The following SLC49A3 variants were observed in gnomAD, a reference collection of about 807,000 sequenced individuals.
SLC49A3 encodes solute carrier family 49 member A3.
A neutral mutation model predicts 43.8 loss-of-function variants in SLC49A3; 50 were observed. The ratio of observed to expected loss-of-function variants is 1.14; its 90% confidence interval spans 0.91 to 1.45. The LOEUF is 1.45. Ranked by LOEUF, SLC49A3 falls within the 40% of genes most tolerant of loss-of-function variation. The pLI is 0.00. For synonymous variants in SLC49A3, 413 were observed against 352.0 expected (o/e 1.17, Z -1.94); for missense variants, 906 against 774.1 (o/e 1.17, Z -2.02).
rs1041042499 is a variant in SLC49A3 at position 685,737 on chromosome 4, C to T, written c.585+98G>A. ...CGGGGCGGGGGACGGGAATCACACA[C>T]GGGCACAGGAACACGGACACACTTG... On this transcript the variant is annotated intron_variant, in intron 4 of 9. Coordinates refer to ENST00000322224, the MANE Select transcript of SLC49A3 (RefSeq NM_032219.4). The surrounding 1 kb of genome is among the most constrained non-coding windows in gnomAD (Gnocchi z 4.3). 181 of 1,321,662 alleles carry T rather than the reference C, an allele frequency of 1.4e-4. No homozygotes were observed. The highest frequency in any genetic ancestry group is 2.0e-4 in the African/African-American group (14 of 68,628). 81.9% of individuals were successfully genotyped at this position (1,321,662 alleles called of 1,614,324 possible).
At chr4:689,318 G>C (rs1017143101), upstream of SLC49A3, 10 of 344,166 alleles carry the variant, frequency 2.9e-5, no homozygotes, top group East Asian at 4.8e-4. Flanking sequence ...CCAAAAAAGC[G>C]GGGGAAGGGC....
chr4:684,494 C>G lies in SLC49A3; in HGVS notation c.829G>C (p.Gly277Arg), dbSNP rs201056671. 2.3e-4 allele frequency: 379 copies of G among 1,612,954 alleles called. 1 individual carries two copies. The highest frequency in any genetic ancestry group is 2.9e-4 in the Non-Finnish European group (341 of 1,179,916). ...GGGGCCAGGCTCACACTGGAGTGGC[C>G]GCTTGCACAGAGGATCTGCTCCAGG... ...ALLEQILCAS[G>R]HSSGFSGLCG... Residue 277 changes from glycine to arginine, a missense_variant, in exon 6 of 10, where the codon GGC becomes CGC. Physicochemically the swap from Gly to Arg is moderately radical, Grantham distance 125. Transcript: ENST00000322224.
downstream of SLC49A3, chr4:678,719 A>G (rs1028279035): frequency 5.0e-6 from 8 of 1,612,284 alleles, no homozygotes; most frequent in East Asian, 1.1e-4. Context: ...GCCTCATCCA[A>G]TGTCTTCTCC....
At chr4:679,035 T>A (rs1391830097), downstream of SLC49A3, 5 of 1,613,334 alleles carry the variant, frequency 3.1e-6, no homozygotes, top group Non-Finnish European at 4.2e-6. Context: ...CCTCCCTGGG[T>A]AGGTACCCAG....
At chr4:676,921 G>A (rs975073580), downstream of SLC49A3, 19 of 985,296 alleles carry the variant, frequency 1.9e-5, no homozygotes, top group African/African-American at 3.1e-4. Context: ...ACCTGGGGAT[G>A]GCACCAGGCA....
At chr4:686,715 C>A in intron 1 of SLC49A3, 25 bp from the exon 2 acceptor site, 4 of 1,605,236 alleles carry the variant, frequency 2.5e-6, no homozygotes, top group Non-Finnish European at 1.7e-6. Context: ...CGGGAGTCAG[C>A]GCAGGGCCAC....
At chr4:676,938 CAG>C (rs1302191503), downstream of SLC49A3, 12 of 985,366 alleles carry the variant, frequency 1.2e-5, no homozygotes, top group East Asian at 1.1e-4. Context: ...GGCAGCATCT[CAG>C]GGGACGCCAA....
rs757361467 is a variant in SLC49A3, at chr4:684,710, G to A, written c.723+9C>T. The A allele has an allele frequency of 6.8e-5, 110 of 1,609,086 alleles. No individual in the cohort carries two copies. Among genetic ancestry groups the A allele is most frequent in the Non-Finnish European group, 8.3e-5 (98 of 1,178,314 alleles). On this transcript the variant is annotated intron_variant, in intron 5 of 9. Coordinates refer to ENST00000322224, the MANE Select transcript of SLC49A3 (RefSeq NM_032219.4). Reference sequence around the variant, plus strand: ...ATCCACCCTACCCCGGGGATCCCACGGCACTGACCAGCTTGAGCCCATCCA... The same window carrying A: ...ATCCACCCTACCCCGGGGATCCCACAGCACTGACCAGCTTGAGCCCATCCA...
downstream of SLC49A3, chr4:680,888 C>T (rs1739406821): frequency 3.0e-6 from 2 of 666,588 alleles, no homozygotes; most frequent in Non-Finnish European, 2.6e-6. Context: ...CTCCTTCCGG[C>T]TCTGTCCCCA....
intron 1 of SLC49A3, 44 bp downstream of exon 1, chr4:688,949 G>T: frequency 6.4e-7 from 1 of 1,568,768 alleles, no homozygotes; most frequent in African/African-American, 1.4e-5. Flanking sequence ...CTGGTCCGAG[G>T]GACTGAGGGT....
chr4:678,583 C>T, downstream of SLC49A3: 1 of 1,537,170 alleles, frequency 6.5e-7, no homozygotes, highest in Non-Finnish European at 8.8e-7. Context: ...TGAGTTAAGT[C>T]TCTCAAAACT....
intron 8 of SLC49A3, 37 bp downstream of exon 8, chr4:683,173 A>G: frequency 6.2e-7 from 1 of 1,611,938 alleles, no homozygotes; most frequent in South Asian, 1.1e-5. Flanking sequence ...CAAGGGGAGT[A>G]TCTCTGGGGT....
intron 1 of SLC49A3, among the ~76,000 whole-genome samples, chr4:687,029 G>A (rs1197261652): frequency 2.0e-5 from 3 of 152,212 alleles, no homozygotes; most frequent in Non-Finnish European, 4.4e-5. Context: ...CGGGGTCTCA[G>A]CTAGAACCTC....
chr4:678,066 T>G, downstream of SLC49A3: 1 of 1,611,436 alleles, frequency 6.2e-7, no homozygotes, highest in Non-Finnish European at 8.5e-7. Flanking sequence ...GGCAGGCGTG[T>G]GGGTGTGAGC....
In SLC49A3 at chr4:685,966, A is replaced by G. The variant is rs919847223; in HGVS notation, c.509-55T>C. On this transcript the variant is annotated intron_variant, in intron 3 of 9. Transcript: ENST00000322224. This position sits in a 1 kb window ranked among gnomAD's most constrained non-coding sequence, Gnocchi z 4.3. ...TCGGCTGTGGCCTGGCTTCATCGCC[A>G]GCCCACAGGCAGAACCTTCCGGGCC... 2 of 1,611,858 alleles carry G rather than the reference A, an allele frequency of 1.2e-6. No homozygotes were observed. The highest frequency in any genetic ancestry group is 1.7e-6 in the Non-Finnish European group (2 of 1,179,140).
At chr4:686,730 C>T (rs1254332861) in intron 1 of SLC49A3, 40 bp from the exon 2 acceptor site, 3 of 1,589,668 alleles carry the variant, frequency 1.9e-6, no homozygotes, top group Middle Eastern at 1.7e-4. Context: ...GGCCACAGAC[C>T]CCGGACCTAC....
At chr4:677,597 G>C (rs1156277152), downstream of SLC49A3, among the ~76,000 whole-genome samples, 2 of 152,224 alleles carry the variant, frequency 1.3e-5, no homozygotes, top group African/African-American at 4.8e-5. Context: ...CAGAAGCCCG[G>C]TGACCAGCTG....
downstream of SLC49A3, chr4:680,561 C>T (rs753100760): frequency 5.0e-6 from 8 of 1,613,066 alleles, no homozygotes; most frequent in South Asian, 4.4e-5. Flanking sequence ...TGGACCCGGA[C>T]GGGAAAGGGA....
Position 683,209 on chromosome 4 carries a change from C to G in SLC49A3, c.1151+1G>C. The G allele has an allele frequency of 5.6e-6, 9 of 1,612,748 alleles. No individual in the cohort carries two copies. The highest frequency in any genetic ancestry group is 7.6e-6 in the Non-Finnish European group (9 of 1,179,908). Reference sequence around the variant, plus strand: ...TGCAGCAGGGGCAGATGGACACTCACCCCAGCACAAAGATCATGCCTGTGG... The same window carrying G: ...TGCAGCAGGGGCAGATGGACACTCAGCCCAGCACAAAGATCATGCCTGTGG... On this transcript the variant is annotated splice_donor_variant, in intron 8 of 9. Transcript: ENST00000322224. LOFTEE classifies it high-confidence loss of function.
Sources: gnomAD v4.1 joint callset for allele counts (sites outside exome capture counted in the v4.1 genomes callset) on GRCh38, gnomAD v4.1.1 for gene constraint, Gnocchi (gnomAD v3.1) non-coding constraint, MANE v1.5 for transcripts, NCBI Gene and HGNC (gene_info 2026-07-23, HGNC 2026-07-21) for gene names.